Variants in PPP1R12A observed in about 807,000 individuals in gnomAD.
The protein encoded by PPP1R12A is myosin binding subunit.
PPP1R12A carries 19 observed loss-of-function variants against 139.6 expected under a neutral mutation model. The ratio of observed to expected loss-of-function variants is 0.14; its 90% confidence interval spans 0.09 to 0.20. The LOEUF (loss-of-function observed/expected upper bound fraction) is 0.20. Ranked by LOEUF, PPP1R12A falls within the 10% of genes least tolerant of loss-of-function variation. The pLI is 1.00. For missense variants in PPP1R12A, 925 were observed against 1,211.5 expected (o/e 0.76, Z 3.51); for synonymous variants, 427 against 420.6 (o/e 1.02, Z -0.19).
intron 16 of PPP1R12A, 86 bp from the exon 17 acceptor site, chr12:79,797,036 AAG>A: frequency 6.9e-7 from 1 of 1,442,880 alleles, no homozygotes; most frequent in Non-Finnish European, 9.4e-7. Flanking sequence ...TTCAAAGAAA[AAG>A]TAGTATACTA....
rs570766383 is a variant in PPP1R12A at position 79,911,681 on chromosome 12, A to AT, written c.237+23013dup. Reference sequence around the variant, plus strand: ...TGGAGCATCTCCCAAACATATCATAATTTTTTTTTTTTACTTAGCATGCCT... The same window carrying AT: ...TGGAGCATCTCCCAAACATATCATAATTTTTTTTTTTTTACTTAGCATGCCT... On this transcript the variant is annotated intron_variant, in intron 1 of 24. Coordinates refer to ENST00000450142, the MANE Select transcript of PPP1R12A (RefSeq NM_002480.3). Among the ~76,000 whole-genome samples, 94 of 147,266 alleles carry AT rather than the reference A, an allele frequency of 6.4e-4. No individual in the cohort carries two copies. The East Asian group carries it at 6.9e-3, about 11-fold the overall frequency.
At position 79,820,934 on chromosome 12, in the gene PPP1R12A, G is replaced by A; in HGVS notation, c.957-3C>T. ...GTTCAATAATCAACGTCTCTTTGCT[G>A]TTAAAGGAAAACAGTGTTCAAATGA... On this transcript the variant is annotated splice_polypyrimidine_tract_variant and splice_region_variant and intron_variant, in intron 7 of 24. Transcript: ENST00000450142. 1.2e-6 allele frequency: 2 copies of A among 1,612,724 alleles called. No homozygotes were observed. Among genetic ancestry groups the A allele is most frequent in the Admixed American group, 1.7e-5 (1 of 59,862 alleles).
chr12:79,934,569 C>T (rs1453046914), intron 1 of PPP1R12A, 126 bp downstream of exon 1: 3 of 938,924 alleles, frequency 3.2e-6, no homozygotes, highest in Non-Finnish European at 4.6e-6. Context: ...AAACCGCCCC[C>T]TCACCCCGCA....
intron 8 of PPP1R12A, chr12:79,819,573 T>C (rs1013067234): frequency 2.0e-5 from 3 of 152,196 alleles, no homozygotes; most frequent in Non-Finnish European, 4.4e-5. Context: ...TAGTTTAATT[T>C]GTAATGATAT....
chr12:79,845,346 T>A lies in PPP1R12A; in HGVS notation c.443A>T (p.Glu148Val), dbSNP rs753611953. Reference sequence around the variant, plus strand: ...TTGAAGTAGCTCTTCCATTGCCTCCTCCTCCGCAATATCTAAAGGTGTATC... The same window carrying A: ...TTGAAGTAGCTCTTCCATTGCCTCCACCTCCGCAATATCTAAAGGTGTATC... ...EGDTPLDIAE[E>V]EAMEELLQNE... The change falls in exon 3 of 25, where the codon GAG becomes GTG. Residue 148 changes from glutamate to valine, a missense_variant. Coordinates refer to ENST00000450142, the MANE Select transcript of PPP1R12A (RefSeq NM_002480.3). The A allele has an allele frequency of 6.2e-7, 1 of 1,613,604 alleles. No homozygotes were observed. Among genetic ancestry groups the A allele is most frequent in the South Asian group, 1.1e-5 (1 of 91,054 alleles).
chr12:79,816,627 C>T (rs1875422711), intron 9 of PPP1R12A, among the ~76,000 whole-genome samples: 1 of 151,958 alleles, frequency 6.6e-6, no homozygotes, highest in Middle Eastern at 3.4e-3. Flanking sequence ...AACACTGCTT[C>T]GGTGGAGAGA....
At chr12:79,791,660 TAA>T (rs1871881036) in intron 19 of PPP1R12A, among the ~76,000 whole-genome samples, 2 of 152,340 alleles carry the variant, frequency 1.3e-5, no homozygotes, top group Middle Eastern at 3.4e-3. Context: ...AGAATTGTGG[TAA>T]AAACCACGTA....
At chr12:79,838,642 A>C (rs2137180020) in intron 3 of PPP1R12A, among the ~76,000 whole-genome samples, 1 of 152,352 alleles carries the variant, frequency 6.6e-6, no homozygotes, top group Non-Finnish European at 1.5e-5. Context: ...AAAAGGGGCC[A>C]ATGTACAACT....
In PPP1R12A at chr12:79,775,983, C is replaced by T. The variant is rs568308927; in HGVS notation, c.3039G>A (p.Arg1013=). Residue 1013 remains arginine (R), a synonymous_variant, in exon 25 of 25, where the codon AGG becomes AGA. Coordinates refer to ENST00000450142, the MANE Select transcript of PPP1R12A (RefSeq NM_002480.3). The stretch of plus-strand genomic sequence containing the variant: ...TCAAGGCCCCATTTTCATCCTTTAG[C>T]CTCTGGTTGTCTGCTTTTAGGTCTG... ...MLPDLKADNQ[R]LKDENGALIR... 89 of 1,599,416 alleles carry T rather than the reference C, an allele frequency of 5.6e-5. No homozygotes were observed. The highest frequency in any genetic ancestry group is 7.2e-5 in the Non-Finnish European group (85 of 1,172,448).
intron 2 of PPP1R12A, among the ~76,000 whole-genome samples, chr12:79,854,256 A>T (rs1880375697): frequency 6.6e-6 from 1 of 152,146 alleles, no homozygotes; most frequent in Non-Finnish European, 1.5e-5. Flanking sequence ...ATAAAAACAA[A>T]TACTGCACCA....
chr12:79,808,534 G>A lies in PPP1R12A; in HGVS notation c.1499C>T (p.Thr500Ile), dbSNP rs1157277440. 6.2e-7 allele frequency: 1 copy of A among 1,609,580 alleles called. No individual in the cohort carries two copies. ...TGTACTGGCTAGTCGTCTTGGTATT[G>A]TAGGTGCAACATATGCAAGCCTAGT... ...KGTRLAYVAP[T>I]IPRRLASTSD... is the part of the protein sequence containing the mutation. Residue 500 changes from threonine (T) to isoleucine (I), a missense_variant, in exon 11 of 25, where the codon ACA becomes ATA. Around this residue, in one of 4 missense-constraint regions of PPP1R12A, gnomAD observed 403 missense variants for 463.7 expected, o/e 0.87. Transcript: ENST00000450142.
intron 22 of PPP1R12A, chr12:79,782,683 A>G: frequency 4.9e-6 from 2 of 405,846 alleles, no homozygotes; most frequent in South Asian, 3.7e-5. Flanking sequence ...TTTTATTTAC[A>G]TTGATCTCTG....
At chr12:79,784,964 T>C (rs897829662) in intron 22 of PPP1R12A, among the ~76,000 whole-genome samples, 1 of 152,098 alleles carries the variant, frequency 6.6e-6, no homozygotes, top group African/African-American at 2.4e-5. Flanking sequence ...ACTTAGAACA[T>C]TATAATGAAA....
Position 79,781,829 on chromosome 12 carries a change from C to T in PPP1R12A, c.2941G>A (p.Glu981Lys). The change falls in exon 23 of 25, where the codon GAA becomes AAA. Residue 981 changes from glutamate (E) to lysine (K), a missense_variant. Transcript: ENST00000450142. ...QERFADRSLL[E>K]MEKRERRALE... The stretch of plus-strand genomic sequence containing the variant: ...GGGACACTTACCCTTTTTTCCATTT[C>T]CAACAGTGATCTATCAGCAAATCTT... 1.3e-6 allele frequency: 2 copies of T among 1,535,858 alleles called. No homozygotes were observed. Among genetic ancestry groups the T allele is most frequent in the Non-Finnish European group, 1.8e-6 (2 of 1,136,868 alleles).
chr12:79,901,021 A>G (rs918643170), intron 1 of PPP1R12A, among the ~76,000 whole-genome samples: 1 of 152,162 alleles, frequency 6.6e-6, no homozygotes, highest in Non-Finnish European at 1.5e-5. Context: ...AGAAGGCTAT[A>G]AAGACAAAAT....
At chr12:79,904,651 C>T (rs1885940170) in intron 1 of PPP1R12A, among the ~76,000 whole-genome samples, 1 of 152,122 alleles carries the variant, frequency 6.6e-6, no homozygotes, top group Non-Finnish European at 1.5e-5. Flanking sequence ...TTCACTTGCT[C>T]TCTATTTCTT....
At chr12:79,853,853 T>C (rs1227505988) in intron 2 of PPP1R12A, among the ~76,000 whole-genome samples, 1 of 152,264 alleles carries the variant, frequency 6.6e-6, no homozygotes, top group Non-Finnish European at 1.5e-5. Flanking sequence ...CACATTTTAA[T>C]GTCATTGAAA....
intron 19 of PPP1R12A, 32 bp downstream of exon 19, chr12:79,793,831 T>C (rs1209632837): frequency 6.8e-7 from 1 of 1,469,406 alleles, no homozygotes; most frequent in Non-Finnish European, 9.3e-7. Context: ...AAAATATGAA[T>C]ACTTCTCAAT....
chr12:79,794,617 ATATAT>A (rs1229384067), intron 18 of PPP1R12A, among the ~76,000 whole-genome samples: 1 of 152,050 alleles, frequency 6.6e-6, no homozygotes, highest in East Asian at 1.9e-4. Context: ...AACAGAAAAG[ATATAT>A]TATACAAAGA....
Sources: gnomAD v4.1 joint callset for allele counts (sites outside exome capture counted in the v4.1 genomes callset) on GRCh38, gnomAD v4.1.1 for gene constraint, gnomAD v4.1.1 regional missense constraint, MANE v1.5 for transcripts, NCBI Gene and HGNC (gene_info 2026-07-23, HGNC 2026-07-21) for gene names.